The following FBXL2 variants were observed in gnomAD, a reference collection of about 807,000 sequenced individuals.
The protein encoded by FBXL2 is F-box/LRR-repeat protein 2.
FBXL2 carries 38 observed loss-of-function variants against 69.2 expected under a neutral mutation model. That is an observed-to-expected ratio of 0.55 (90% confidence interval 0.42 to 0.72). FBXL2 has a LOEUF of 0.72. FBXL2 is among the 30% of genes least tolerant of loss of function. The pLI is 0.00. For synonymous variants in FBXL2, 192 were observed against 201.3 expected, an observed-to-expected ratio of 0.95 and a Z score of 0.39; for missense variants, 354 against 520.3, an observed-to-expected ratio of 0.68 and a Z score of 3.11.
intron 12 of FBXL2, chr3:33,397,165 A>G (rs564148768): frequency 4.7e-5 from 72 of 1,519,838 alleles, no homozygotes; most frequent in Admixed American, 8.5e-5. Flanking sequence ...TTTTTCTCAA[A>G]TAAATGGAAA....
At chr3:33,299,242 G>C (rs889283288) in intron 2 of FBXL2, among the ~76,000 whole-genome samples, 2 of 152,038 alleles carry the variant, frequency 1.3e-5, no homozygotes, top group South Asian at 4.1e-4. Context: ...GGGTTTCACT[G>C]TGTTGCCCAG....
chr3:33,417,396 A>AT, the FBXL2 span, among the ~76,000 whole-genome samples: 2 of 151,334 alleles, frequency 1.3e-5, no homozygotes, highest in African/African-American at 4.9e-5. Flanking sequence ...ATATGTGGGT[A>AT]TTTGTGCCTT....
At chr3:33,329,020 A>G (rs1230783909) in intron 2 of FBXL2, among the ~76,000 whole-genome samples, 3 of 152,176 alleles carry the variant, frequency 2.0e-5, no homozygotes, top group Non-Finnish European at 4.4e-5. Flanking sequence ...AAGGAACTCA[A>G]AACAATTCAG....
At chr3:33,280,713 CAAAAAAAAAAAAAAAA>C (rs34093056) in intron 1 of FBXL2, among the ~76,000 whole-genome samples, 8 of 81,442 alleles carry the variant, frequency 9.8e-5, no homozygotes, top group Admixed American at 1.3e-4. Flanking sequence ...GCCCTGTATC[CAAAAAAAAAAAAAAAA>C]AAAAGAAAAG....
chr3:33,334,522 AAATT>A (rs1242171787), intron 2 of FBXL2, among the ~76,000 whole-genome samples: 3 of 152,210 alleles, frequency 2.0e-5, no homozygotes, highest in East Asian at 1.9e-4. Flanking sequence ...AAGATAGAAA[AAATT>A]AACACATCAT....
chr3:33,408,662 A>T (rs1019995894), downstream of FBXL2: 7 of 1,590,778 alleles, frequency 4.4e-6, no homozygotes, highest in East Asian at 4.5e-5. Flanking sequence ...TTTCTTGCAC[A>T]ATGAAAAGAG....
downstream of FBXL2, chr3:33,391,570 A>C (rs2043765700): frequency 6.6e-6 from 1 of 151,824 alleles, no homozygotes; most frequent in Non-Finnish European, 1.5e-5. Context: ...CCAAAATCAA[A>C]CTCTTGGTTG....
At chr3:33,396,943 A>G in intron 12 of FBXL2, 1 of 1,036,082 alleles carries the variant, frequency 9.7e-7, no homozygotes, top group Non-Finnish European at 1.5e-6. Flanking sequence ...TGGCGCACAC[A>G]GGCACACACG....
intron 12 of FBXL2, among the ~76,000 whole-genome samples, chr3:33,398,845 G>A (rs758805506): frequency 1.6e-4 from 25 of 152,144 alleles, no homozygotes; most frequent in Non-Finnish European, 2.2e-4. Context: ...ATACAACAGT[G>A]CAAGACAAAC....
At chr3:33,290,935 A>T (rs1317491382) in intron 1 of FBXL2, among the ~76,000 whole-genome samples, 1 of 145,660 alleles carries the variant, frequency 6.9e-6, no homozygotes, top group African/African-American at 2.5e-5. Flanking sequence ...CAATGAAATA[A>T]TTTTTTTTTT....
chr3:33,399,807 A>T (rs2044152653), intron 12 of FBXL2, among the ~76,000 whole-genome samples: 1 of 152,160 alleles, frequency 6.6e-6, no homozygotes, highest in Admixed American at 6.5e-5. Context: ...ATTGTACTAT[A>T]ATTATGTGAG....
At position 33,339,314 on chromosome 3, in the gene FBXL2, T is replaced by C. The variant is rs12637100; in HGVS notation, c.66-19653T>C. On this transcript the variant is annotated intron_variant, in intron 2 of 14. Transcript: ENST00000484457. ...GGATGCAGAGAGAGGGGAATCCTTATACACTACTGGTGGGACTGTAAACTA... is the reference window on the plus strand; with the variant it reads ...GGATGCAGAGAGAGGGGAATCCTTACACACTACTGGTGGGACTGTAAACTA... Among the ~76,000 whole-genome samples the C allele has an allele frequency of 4.7e-4, 72 of 152,304 alleles. No individual in the cohort carries two copies. The East Asian group carries it at 0.013, about 28-fold the overall frequency.
At chr3:33,289,617 G>A (rs1248714383) in intron 1 of FBXL2, 1 of 229,424 alleles carries the variant, frequency 4.4e-6, no homozygotes, top group African/African-American at 2.3e-5. Flanking sequence ...TTAAAGAGAA[G>A]TCAACAGTTA....
intron 2 of FBXL2, among the ~76,000 whole-genome samples, chr3:33,353,536 C>T (rs1459811487): frequency 6.6e-6 from 1 of 152,176 alleles, no homozygotes; most frequent in African/African-American, 2.4e-5. Context: ...TGAACGGTTA[C>T]GTAGTGTTTG....
At chr3:33,420,321 AT>A in the FBXL2 span, among the ~76,000 whole-genome samples, 1,975 of 152,124 alleles carry the variant, frequency 0.013, 42 homozygotes, top group African/African-American at 0.045. Context: ...GCTGTACTTT[AT>A]TAACATTCTT....
chr3:33,395,244 C>T (rs920926091), intron 12 of FBXL2, among the ~76,000 whole-genome samples: 12 of 151,950 alleles, frequency 7.9e-5, no homozygotes, highest in African/African-American at 2.9e-4. Context: ...TCCAATTTTT[C>T]AGTAAAATTC....
chr3:33,308,409 C>T (rs2125752317), intron 2 of FBXL2, among the ~76,000 whole-genome samples: 1 of 152,288 alleles, frequency 6.6e-6, no homozygotes, highest in South Asian at 2.1e-4. Flanking sequence ...ATGAGAAACT[C>T]ATAATTTCAT....
chr3:33,287,090 T>C (rs1279780562), intron 1 of FBXL2, among the ~76,000 whole-genome samples: 3 of 152,114 alleles, frequency 2.0e-5, no homozygotes, highest in Admixed American at 2.0e-4. Flanking sequence ...AAATCACCCA[T>C]CTTCTGCATC....
chr3:33,368,284 TAA>T (rs1374600103), intron 5 of FBXL2, among the ~76,000 whole-genome samples: 5 of 152,226 alleles, frequency 3.3e-5, no homozygotes, highest in Admixed American at 6.5e-5. Flanking sequence ...TATCAACTAA[TAA>T]AAGGAGTATT....
Sources: allele counts gnomAD v4.1 joint callset (sites outside exome capture counted in the v4.1 genomes callset), GRCh38; gene constraint gnomAD v4.1.1; transcripts MANE v1.5; gene names NCBI Gene and HGNC (gene_info 2026-07-23, HGNC 2026-07-21).